TRIM66: variants seen among roughly 807,000 people sequenced by gnomAD.
TRIM66 encodes the protein tripartite motif containing 66.
TRIM66 carries 99 observed loss-of-function variants against 148.2 expected under a neutral mutation model. The ratio of observed to expected loss-of-function variants is 0.67; its 90% CI spans 0.57 to 0.79. The LOEUF (loss-of-function observed/expected upper bound fraction) is 0.79, where lower values mean the gene tolerates loss of function less well. Ranked by LOEUF, TRIM66 falls within the 30% of genes least tolerant of loss-of-function variation. TRIM66 has a pLI of 0.00. For synonymous variants in TRIM66, 616 were observed against 635.9 expected (o/e 0.97, Z 0.47); for missense variants, 1,666 against 1,697.9 (o/e 0.98, Z 0.33).
intron 3 of TRIM66, among the ~76,000 whole-genome samples, chr11:8,676,707 G>T (rs1373188420): frequency 6.6e-6 from 1 of 152,162 alleles, no homozygotes; most frequent in Non-Finnish European, 1.5e-5. Context: ...CCCCATTTCT[G>T]CCCCCTTCTT....
chr11:8,642,942 A>T, intron 13 of TRIM66, 67 bp downstream of exon 13: 11 of 1,107,246 alleles, frequency 9.9e-6, no homozygotes, highest in Non-Finnish European at 1.3e-5. Flanking sequence ...TGACCTACCC[A>T]GTAAGGTAAG....
At chr11:8,666,565 T>C (rs1592192518) in intron 6 of TRIM66, among the ~76,000 whole-genome samples, 1 of 152,170 alleles carries the variant, frequency 6.6e-6, no homozygotes, top group South Asian at 2.1e-4. Flanking sequence ...GCTTTATGTA[T>C]ATGTCCTCAT....
chr11:8,627,254 A>C (rs1302623157), intron 15 of TRIM66, among the ~76,000 whole-genome samples: 1 of 152,246 alleles, frequency 6.6e-6, no homozygotes, highest in African/African-American at 2.4e-5. Flanking sequence ...GAGCTGTTTA[A>C]AAATTCAAAA....
chr11:8,644,168 G>A (rs2036644138), intron 12 of TRIM66, among the ~76,000 whole-genome samples: 1 of 152,056 alleles, frequency 6.6e-6, no homozygotes, highest in African/African-American at 2.4e-5. Context: ...GGACTTCCCA[G>A]CTTCCTTTCA....
intron 6 of TRIM66, among the ~76,000 whole-genome samples, chr11:8,665,052 T>C (rs1157691735): frequency 6.6e-6 from 1 of 152,024 alleles, no homozygotes; most frequent in Non-Finnish European, 1.5e-5. Context: ...GCTAGGAACT[T>C]GTTTATTCCT....
chr11:8,682,408 G>A lies in TRIM66; in HGVS notation c.-548+193C>T, dbSNP rs145631877. 1,090 of 239,308 alleles carry A rather than the reference G, an allele frequency of 4.6e-3. 12 individuals carry two copies. The highest frequency in any genetic ancestry group is 0.021 in the Middle Eastern group (15 of 700). 14.8% of individuals were successfully genotyped at this position (239,308 alleles called of 1,614,324 possible). A position where few individuals can be genotyped will look rare whatever the true frequency, so the allele number is the denominator to read the frequency against. Reference sequence around the variant, plus strand: ...CCACTAAGAACTGTGGAGGTGCGCGGGGCGGCTCAGGGCTGGCGCATTTGG... The same window carrying A: ...CCACTAAGAACTGTGGAGGTGCGCGAGGCGGCTCAGGGCTGGCGCATTTGG... On this transcript the variant is annotated intron_variant, in intron 1 of 24. Coordinates refer to ENST00000646038, the MANE Select transcript of TRIM66 (RefSeq NM_001388022.1).
intron 14 of TRIM66, 84 bp downstream of exon 14, chr11:8,640,143 G>T: frequency 7.5e-7 from 1 of 1,341,440 alleles, no homozygotes; most frequent in Non-Finnish European, 1.0e-6. Flanking sequence ...GTATTCCTGT[G>T]CTGCCTTGTT....
chr11:8,647,172 C>T (rs968078217), intron 10 of TRIM66, among the ~76,000 whole-genome samples: 1 of 151,388 alleles, frequency 6.6e-6, no homozygotes. Context: ...ATGTTTTAAA[C>T]GTAGACAGTA....
chr11:8,622,972 G>C, intron 17 of TRIM66, 96 bp from the exon 18 acceptor site: 1 of 1,098,170 alleles, frequency 9.1e-7, no homozygotes, highest in East Asian at 2.6e-5. Context: ...TCATACCTTT[G>C]GCCACACATC....
intron 4 of TRIM66, among the ~76,000 whole-genome samples, chr11:8,674,325 T>C (rs548268458): frequency 7.2e-5 from 11 of 152,382 alleles, no homozygotes; most frequent in Admixed American, 5.9e-4. Flanking sequence ...AAACTTGTTA[T>C]ATGTTAACAC....
chr11:8,658,006 G>T (rs1365127987), intron 6 of TRIM66, among the ~76,000 whole-genome samples: 2 of 152,238 alleles, frequency 1.3e-5, no homozygotes, highest in Admixed American at 6.5e-5. Context: ...AAGCGCCCAG[G>T]AACACCCACC....
chr11:8,669,705 C>CATA (rs2038818976), intron 6 of TRIM66, among the ~76,000 whole-genome samples: 1 of 151,682 alleles, frequency 6.6e-6, no homozygotes, highest in Non-Finnish European at 1.5e-5. Context: ...AGCCACCTAT[C>CATA]ACTCAGGCCT....
upstream of TRIM66, chr11:8,682,683 T>C: frequency 1.3e-5 from 14 of 1,054,090 alleles, no homozygotes; most frequent in South Asian, 1.4e-4. Context: ...AGGCGCGCAA[T>C]CCCGCGAGAC....
chr11:8,614,323 A>G lies in TRIM66; in HGVS notation c.*3621T>C, dbSNP rs1238855278. On this transcript the variant is annotated 3_prime_UTR_variant, in exon 25 of 25. Coordinates refer to ENST00000646038, the MANE Select transcript of TRIM66 (RefSeq NM_001388022.1). Reference sequence around the variant, plus strand: ...CACTGCACTCCAGCCTGCATGACAGAGTGAGACTCTCTCTCTCAAAAAATA... The same window carrying G: ...CACTGCACTCCAGCCTGCATGACAGGGTGAGACTCTCTCTCTCAAAAAATA... 6.6e-6 allele frequency: 1 copy of G among 152,166 alleles called. No homozygotes were observed. The highest frequency in any genetic ancestry group is 2.4e-5 in the African/African-American group (1 of 41,414). 9.4% of individuals were successfully genotyped at this position (152,166 alleles called of 1,614,324 possible).
intron 15 of TRIM66, among the ~76,000 whole-genome samples, chr11:8,628,636 A>AAAGAGAGAG (rs1555042270): frequency 8.2e-4 from 76 of 93,188 alleles, no homozygotes; most frequent in Non-Finnish European, 1.4e-3. Flanking sequence ...AAAAAAAAAA[A>AAAGAGAGAG]AGAGAGAGAA....
chr11:8,665,116 T>TA (rs1300205089), intron 6 of TRIM66, among the ~76,000 whole-genome samples: 3,173 of 142,604 alleles, frequency 0.022, 98 homozygotes, highest in African/African-American at 0.073. Context: ...CATTTTACTT[T>TA]AAAAAAAAAA....
At chr11:8,646,739 A>C (rs1423805246) in intron 10 of TRIM66, among the ~76,000 whole-genome samples, 178 bp from the exon 11 acceptor site, 2 of 152,136 alleles carry the variant, frequency 1.3e-5, no homozygotes, top group Non-Finnish European at 2.9e-5. Context: ...ACAAAGCCCC[A>C]CTTGATCAAA....
chr11:8,619,556 GAGA>G, intron 22 of TRIM66, 21 bp from the exon 23 acceptor site: 1 of 1,516,082 alleles, frequency 6.6e-7, no homozygotes, highest in Non-Finnish European at 8.8e-7. Flanking sequence ...GAGACATGAG[GAGA>G]AGGAGGCAAA....
intron 10 of TRIM66, among the ~76,000 whole-genome samples, chr11:8,646,851 T>C (rs1335523924): frequency 1.3e-5 from 2 of 151,766 alleles, no homozygotes; most frequent in African/African-American, 4.8e-5. Flanking sequence ...AAAGAGAAAG[T>C]ATGGGAATAA....
Sources: allele counts gnomAD v4.1 joint callset (sites outside exome capture counted in the v4.1 genomes callset), GRCh38; gene constraint gnomAD v4.1.1; transcripts MANE v1.5; gene names NCBI Gene and HGNC (gene_info 2026-07-23, HGNC 2026-07-21).